Variants in EGFLAM observed in about 807,000 individuals in gnomAD.
The protein encoded by EGFLAM is EGF like, fibronectin type III and laminin G domains.
In EGFLAM, 79 loss-of-function variants were observed where a neutral mutation model predicts 113.1. The ratio of observed to expected loss-of-function variants is 0.70; its 90% CI spans 0.58 to 0.84. EGFLAM has a LOEUF of 0.84. EGFLAM is among the 40% of genes least tolerant of loss of function. The probability of loss-of-function intolerance (pLI) is 0.00; values close to 1 mark genes in which losing one functional copy is unlikely to be tolerated. For missense variants in EGFLAM, 1,265 were observed against 1,291.6 expected (o/e 0.98, Z 0.32); for synonymous variants, 504 against 487.6 (o/e 1.03, Z -0.44).
intron 1 of EGFLAM, 59 bp from the exon 2 acceptor site, chr5:38,337,461 A>G (rs1178327865): frequency 1.4e-6 from 2 of 1,408,754 alleles, no homozygotes; most frequent in African/African-American, 1.4e-5. Flanking sequence ...ATCTTGTGTA[A>G]GTATACTCAA....
chr5:38,367,698 C>G (rs952071096), intron 5 of EGFLAM, among the ~76,000 whole-genome samples: 1 of 152,078 alleles, frequency 6.6e-6, no homozygotes, highest in Non-Finnish European at 1.5e-5. Context: ...AAGTGATTTT[C>G]TTCAGTCAAA....
chr5:38,275,618 TG>T (rs1315343519), intron 1 of EGFLAM, among the ~76,000 whole-genome samples: 1 of 152,182 alleles, frequency 6.6e-6, no homozygotes, highest in African/African-American at 2.4e-5. Flanking sequence ...AATACAGCAA[TG>T]TGAATAGTAA....
intron 1 of EGFLAM, among the ~76,000 whole-genome samples, chr5:38,299,199 T>C (rs964229975): frequency 6.6e-6 from 1 of 152,220 alleles, no homozygotes; most frequent in African/African-American, 2.4e-5. Context: ...TGGCTTTTAT[T>C]GTGTAACACA....
intron 6 of EGFLAM, among the ~76,000 whole-genome samples, chr5:38,405,419 T>C (rs868593993): frequency 1.1e-4 from 17 of 151,976 alleles, no homozygotes; most frequent in Middle Eastern, 3.4e-3. Context: ...GTCTTTTATA[T>C]TAATGTCATC....
At chr5:38,323,322 T>C (rs898549146) in intron 1 of EGFLAM, among the ~76,000 whole-genome samples, 8 of 152,196 alleles carry the variant, frequency 5.3e-5, no homozygotes, top group African/African-American at 1.9e-4. Flanking sequence ...ACCTAATTAT[T>C]CAGAAGTTTC....
intron 6 of EGFLAM, among the ~76,000 whole-genome samples, chr5:38,379,536 G>C: frequency 6.6e-6 from 1 of 152,136 alleles, no homozygotes; most frequent in East Asian, 1.9e-4. Flanking sequence ...GAGGGGATCC[G>C]TTGGCAGTTG....
intron 1 of EGFLAM, 56 bp downstream of exon 1, chr5:38,258,907 G>C (rs1218625222): frequency 3.0e-5 from 46 of 1,551,862 alleles, no homozygotes; most frequent in Non-Finnish European, 3.7e-5. Flanking sequence ...GCTGGGCTCC[G>C]GGGCGAGGAC....
chr5:38,420,086 A>G lies in EGFLAM; in HGVS notation c.1684+1831A>G, dbSNP rs781671706. On this transcript the variant is annotated intron_variant, in intron 12 of 21. Transcript: ENST00000322350. ...AAAAAACCAATGGTACAGAACAGTT[A>G]AGTAACTTGCCCAAGGTCACACAGC... Among the ~76,000 whole-genome samples, 45 of 152,164 alleles carry G rather than the reference A, an allele frequency of 3.0e-4. 1 individual carries two copies. Among genetic ancestry groups the G allele is most frequent in the Non-Finnish European group, 3.8e-4 (26 of 68,002 alleles).
intron 5 of EGFLAM, among the ~76,000 whole-genome samples, chr5:38,357,137 T>G (rs2112001063): frequency 6.6e-6 from 1 of 152,310 alleles, no homozygotes; most frequent in South Asian, 2.1e-4. Flanking sequence ...CACACTGTAG[T>G]TCCAGCTGCT....
chr5:38,310,928 C>A (rs1738424976), intron 1 of EGFLAM, among the ~76,000 whole-genome samples: 1 of 152,078 alleles, frequency 6.6e-6, no homozygotes, highest in South Asian at 2.1e-4. Context: ...GTGATGGGGA[C>A]AGCCCTAGAG....
At chr5:38,295,015 C>T (rs184638016) in intron 1 of EGFLAM, among the ~76,000 whole-genome samples, 23 of 152,250 alleles carry the variant, frequency 1.5e-4, no homozygotes, top group Admixed American at 9.2e-4. Flanking sequence ...TTAGTGAAGA[C>T]GGGGTTTCTC....
chr5:38,342,420 C>G (rs1181638314), intron 3 of EGFLAM, among the ~76,000 whole-genome samples: 1 of 152,150 alleles, frequency 6.6e-6, no homozygotes, highest in East Asian at 1.9e-4. Flanking sequence ...TAAGATAGGA[C>G]CGATTACCTT....
chr5:38,341,052 T>C (rs1739323055), intron 3 of EGFLAM, among the ~76,000 whole-genome samples: 1 of 152,208 alleles, frequency 6.6e-6, no homozygotes, highest in Admixed American at 6.5e-5. Context: ...CTCAGTTTCC[T>C]CAGTGACATA....
intron 1 of EGFLAM, among the ~76,000 whole-genome samples, chr5:38,322,032 A>C (rs1381468925): frequency 6.6e-6 from 1 of 152,208 alleles, no homozygotes; most frequent in Non-Finnish European, 1.5e-5. Context: ...CTTCAAGAGG[A>C]GGCAACTTCT....
chr5:38,418,120 A>C lies in EGFLAM; in HGVS notation c.1549A>C (p.Ser517Arg). Residue 517 changes from serine (S) to arginine (R), a missense_variant, in exon 12 of 22, where the codon AGC becomes CGC. Ser to Arg is a moderately radical substitution (Grantham distance 110, BLOSUM62 -1). Transcript: ENST00000322350. ...ACCTCTCTATCTTGGTGGCGCTCCC[A>C]GCGCTTACTGGTTGGTTAGAGCAAC... ...RTPLYLGGAP[S>R]AYWLVRATGT... The C allele has an allele frequency of 6.2e-7, 1 of 1,614,208 alleles. No homozygotes were observed. The highest frequency in any genetic ancestry group is 8.5e-7 in the Non-Finnish European group (1 of 1,180,024).
At chr5:38,312,909 A>G (rs1273369886) in intron 1 of EGFLAM, among the ~76,000 whole-genome samples, 1 of 152,010 alleles carries the variant, frequency 6.6e-6, no homozygotes, top group Non-Finnish European at 1.5e-5. Flanking sequence ...CCAACATGGT[A>G]AAAACCCCTC....
rs563794090 is a variant in EGFLAM, at chr5:38,314,861, C to A, written c.98-22659C>A. ...CAGTAAGCACATGCTTCACCATGCT[C>A]CAGATAGAGGCTATTCCATTAGCAT... On this transcript the variant is annotated intron_variant, in intron 1 of 21. Transcript: ENST00000322350. Among the ~76,000 whole-genome samples, 3 of 152,284 alleles carry A rather than the reference C, an allele frequency of 2.0e-5. No homozygotes were observed. In the East Asian group the frequency reaches 5.8e-4, roughly 29 times the overall value.
intron 5 of EGFLAM, among the ~76,000 whole-genome samples, chr5:38,363,903 C>T (rs1739992860): frequency 6.6e-6 from 1 of 152,148 alleles, no homozygotes; most frequent in African/African-American, 2.4e-5. Context: ...CTCAACTGCT[C>T]AACTCTGCCA....
chr5:38,300,259 A>G (rs1379587569), intron 1 of EGFLAM, among the ~76,000 whole-genome samples: 1 of 152,186 alleles, frequency 6.6e-6, no homozygotes, highest in Non-Finnish European at 1.5e-5. Flanking sequence ...CAAATCATGC[A>G]CAGTCCCAAG....
Sources: allele counts gnomAD v4.1 joint callset (sites outside exome capture counted in the v4.1 genomes callset), GRCh38; gene constraint gnomAD v4.1.1; transcripts MANE v1.5; gene names NCBI Gene and HGNC (gene_info 2026-07-23, HGNC 2026-07-21).